OSBPL2: variants seen among roughly 807,000 people sequenced by gnomAD.
The protein encoded by OSBPL2 is oxysterol binding protein like 2.
In OSBPL2, 18 loss-of-function variants were observed where a neutral mutation model predicts 58.4. That is an observed-to-expected ratio of 0.31 (90% confidence interval 0.21 to 0.46). The LOEUF (loss-of-function observed/expected upper bound fraction) is 0.46, where lower values mean the gene tolerates loss of function less well. OSBPL2 is among the 20% of genes least tolerant of loss of function. The pLI, the probability that OSBPL2 is intolerant of heterozygous loss-of-function variation, is 1.00. For missense variants in OSBPL2, 461 were observed against 616.5 expected (o/e 0.75, Z 2.67); for synonymous variants, 221 against 234.1 (o/e 0.94, Z 0.51).
At chr20:62,254,695 A>T (rs1304253518) in intron 1 of OSBPL2, among the ~76,000 whole-genome samples, 1 of 152,254 alleles carries the variant, frequency 6.6e-6, no homozygotes, top group African/African-American at 2.4e-5. Flanking sequence ...AGAACTGTGC[A>T]GAGAGCTCTG....
chr20:62,293,194 AT>A (rs67422111), intron 13 of OSBPL2, among the ~76,000 whole-genome samples: 2 of 150,730 alleles, frequency 1.3e-5, no homozygotes, highest in Admixed American at 6.6e-5. Context: ...GTTAAAAAAA[AT>A]ATACTGTGAA....
intron 1 of OSBPL2, chr20:62,242,588 T>C (rs1327538050): frequency 6.6e-6 from 1 of 152,224 alleles, no homozygotes; most frequent in African/African-American, 2.4e-5. Context: ...GCTGGCTCCA[T>C]AGTTTGGGGC....
chr20:62,282,413 G>A (rs200444767), intron 9 of OSBPL2, among the ~76,000 whole-genome samples: 1 of 152,142 alleles, frequency 6.6e-6, no homozygotes, highest in East Asian at 1.9e-4. Context: ...CCCCATTTGG[G>A]TTAATTACTT....
rs1980899502 is a variant in OSBPL2 at position 62,256,055 on chromosome 20, A to G, written c.-128-2A>G. On this transcript the variant is annotated splice_acceptor_variant, in intron 1 of 13. Coordinates refer to ENST00000313733, the MANE Select transcript of OSBPL2 (RefSeq NM_144498.4). LOFTEE classifies it low-confidence loss of function (5UTR_SPLICE). ...AGTATGCCAAAATTTTTTTCCCTTT[A>G]GATCTTCAGTGTCTATTGGATTTTT... is the stretch of plus-strand genomic sequence containing the variant. 2.7e-6 allele frequency: 3 copies of G among 1,108,488 alleles called. No homozygotes were observed. The highest frequency in any genetic ancestry group is 3.8e-6 in the Non-Finnish European group (3 of 786,246). The allele number at this position is 1,108,488 out of a possible 1,614,324, so 68.7% of individuals were successfully genotyped here. A position where few individuals can be genotyped will look rare whatever the true frequency, so the allele number is the denominator to read the frequency against.
chr20:62,291,918 C>T (rs943850869), intron 13 of OSBPL2, 125 bp downstream of exon 13: 9 of 650,918 alleles, frequency 1.4e-5, no homozygotes, highest in African/African-American at 1.8e-5. Flanking sequence ...CTGGGGACGG[C>T]GGGGAGTGCC....
intron 7 of OSBPL2, among the ~76,000 whole-genome samples, 177 bp from the exon 8 acceptor site, chr20:62,280,881 T>C (rs547662232): frequency 1.3e-5 from 2 of 152,342 alleles, no homozygotes; most frequent in Admixed American, 6.5e-5. Context: ...AAAGAAGAAG[T>C]ACATTTCAAA....
chr20:62,268,939 C>A (rs1481523913), intron 4 of OSBPL2, among the ~76,000 whole-genome samples: 29 of 152,164 alleles, frequency 1.9e-4, no homozygotes, highest in Non-Finnish European at 1.5e-5. Flanking sequence ...TGCCTGTAAT[C>A]CCAGCTACTT....
At chr20:62,248,148 T>TTC (rs1980264341) in intron 1 of OSBPL2, among the ~76,000 whole-genome samples, 1 of 119,968 alleles carries the variant, frequency 8.3e-6, no homozygotes, top group African/African-American at 3.2e-5. Flanking sequence ...CTTTTTTCTT[T>TTC]TCTTTTCTTT....
chr20:62,279,046 G>A lies in OSBPL2; in HGVS notation c.492-111G>A, dbSNP rs189671176. ...TGTTTCCGCCACATGTTGTGGCATGGAGGGCCCCTGCTTCCCAGCGTCCTG... is the reference window on the plus strand; with the variant it reads ...TGTTTCCGCCACATGTTGTGGCATGAAGGGCCCCTGCTTCCCAGCGTCCTG... On this transcript the variant is annotated intron_variant, in intron 6 of 13. Coordinates refer to ENST00000313733, the MANE Select transcript of OSBPL2 (RefSeq NM_144498.4). 3.0e-5 allele frequency: 26 copies of A among 862,056 alleles called. No individual in the cohort carries two copies. The Admixed American group carries it at 4.3e-4, about 14-fold the overall frequency. The allele number at this position is 862,056 out of a possible 1,614,324, so 53.4% of individuals were successfully genotyped here.
chr20:62,281,744 C>A, intron 8 of OSBPL2, 46 bp from the exon 9 acceptor site: 1 of 1,430,104 alleles, frequency 7.0e-7, no homozygotes, highest in Non-Finnish European at 9.9e-7. Flanking sequence ...CCCTTTCCGG[C>A]TGTTTGCTGT....
chr20:62,240,778 A>G (rs1979677177), intron 1 of OSBPL2, among the ~76,000 whole-genome samples: 1 of 152,176 alleles, frequency 6.6e-6, no homozygotes, highest in Non-Finnish European at 1.5e-5. Context: ...TTACAAAGCC[A>G]TTTCATTTTT....
chr20:62,245,379 C>T (rs889017589), intron 1 of OSBPL2, among the ~76,000 whole-genome samples: 8 of 152,208 alleles, frequency 5.3e-5, no homozygotes, highest in Admixed American at 1.3e-4. Context: ...AGGCGTGAGC[C>T]ACCGCGCCCG....
chr20:62,243,737 C>T (rs969251994), intron 1 of OSBPL2, among the ~76,000 whole-genome samples: 3 of 151,842 alleles, frequency 2.0e-5, no homozygotes, highest in Admixed American at 2.0e-4. Flanking sequence ...GGGTCAGGAC[C>T]CTTTTTTAGA....
chr20:62,295,860 A>G lies in OSBPL2; in HGVS notation c.*1973A>G, dbSNP rs1251987049. ...TTAACGAGTTCTTACTGATCATTCC[A>G]CTTGTTACTGGTTAAGATAATTTGC... On this transcript the variant is annotated 3_prime_UTR_variant, in exon 14 of 14. Coordinates refer to ENST00000313733, the MANE Select transcript of OSBPL2 (RefSeq NM_144498.4). The surrounding 1 kb of genome is among the most constrained non-coding windows in gnomAD (Gnocchi z 4.8). 2.6e-5 allele frequency: 4 copies of G among 152,130 alleles called. No homozygotes were observed. The highest frequency in any genetic ancestry group is 4.4e-5 in the Non-Finnish European group (3 of 68,042). 9.4% of individuals were successfully genotyped at this position (152,130 alleles called of 1,614,324 possible). A position where few individuals can be genotyped will look rare whatever the true frequency, so the allele number is the denominator to read the frequency against.
At chr20:62,282,884 T>C (rs1321831472) in intron 9 of OSBPL2, among the ~76,000 whole-genome samples, 1 of 152,222 alleles carries the variant, frequency 6.6e-6, no homozygotes, top group Non-Finnish European at 1.5e-5. Flanking sequence ...AGACCAGAAA[T>C]GCACCCGTTT....
intron 13 of OSBPL2, among the ~76,000 whole-genome samples, 165 bp downstream of exon 13, chr20:62,291,958 G>A (rs1983551672): frequency 7.2e-6 from 1 of 138,700 alleles, no homozygotes; most frequent in Non-Finnish European, 1.6e-5. Flanking sequence ...CTGTGGCTGG[G>A]CAGTTACTGT....
chr20:62,257,776 G>A (rs190926248), intron 2 of OSBPL2, among the ~76,000 whole-genome samples: 92 of 150,754 alleles, frequency 6.1e-4, no homozygotes, highest in Admixed American at 3.0e-3. Flanking sequence ...GTGCAGTGGC[G>A]TGATCTCAGC....
intron 1 of OSBPL2, among the ~76,000 whole-genome samples, chr20:62,252,084 A>G (rs1300027865): frequency 6.6e-6 from 1 of 150,568 alleles, no homozygotes; most frequent in African/African-American, 2.5e-5. Flanking sequence ...AGGTTTTGCA[A>G]TGTTGCCCAG....
chr20:62,267,812 C>T (rs1397004158), intron 4 of OSBPL2, among the ~76,000 whole-genome samples: 4 of 152,206 alleles, frequency 2.6e-5, no homozygotes, highest in Non-Finnish European at 5.9e-5. Flanking sequence ...GCTGAGACAG[C>T]ACATGTCTGT....
Sources: allele counts gnomAD v4.1 joint callset (sites outside exome capture counted in the v4.1 genomes callset), GRCh38; gene constraint gnomAD v4.1.1; non-coding constraint Gnocchi (gnomAD v3.1); transcripts MANE v1.5; gene names NCBI Gene and HGNC (gene_info 2026-07-23, HGNC 2026-07-21).